The following MAP3K2 variants were observed in gnomAD, a reference collection of about 807,000 sequenced individuals.
MAP3K2 encodes mitogen-activated protein kinase kinase kinase 2.
Under a neutral mutation model 80.3 loss-of-function variants are expected in MAP3K2, and 24 were observed. The ratio of observed to expected loss-of-function variants is 0.30; its 90% CI spans 0.22 to 0.42. The LOEUF is 0.42. MAP3K2 is among the 10% of genes least tolerant of loss of function. The pLI is 1.00. For synonymous variants in MAP3K2, 244 were observed against 253.7 expected (o/e 0.96, Z 0.36); for missense variants, 608 against 750.1 (o/e 0.81, Z 2.21).
At chr2:127,387,990 GGCGCACGTCACGGCCGCTCGCTCGTGCGC>G (rs1324128852), upstream of MAP3K2, 8 of 984,050 alleles carry the variant, frequency 8.1e-6, no homozygotes, top group Non-Finnish European at 9.6e-6. Context: ...GGCGTAGCGC[GGCGCACGTCACGGCCGCTCGCTCGTGCGC>G]GCGCACCCCT....
At chr2:127,308,407 CTATT>C (rs1378916906) in intron 16 of MAP3K2, among the ~76,000 whole-genome samples, 174 bp downstream of exon 16, 1 of 152,204 alleles carries the variant, frequency 6.6e-6, no homozygotes, top group Non-Finnish European at 1.5e-5. Flanking sequence ...AGGATTCTAA[CTATT>C]TAGTCAATTA....
At chr2:127,337,594 C>CGTAAT in intron 4 of MAP3K2, 144 bp downstream of exon 4, 1 of 533,476 alleles carries the variant, frequency 1.9e-6, no homozygotes, top group Non-Finnish European at 3.3e-6. Context: ...AGTCTAAGCA[C>CGTAAT]ATTACACATT....
At position 127,322,269 on chromosome 2, in the gene MAP3K2, G is replaced by T; in HGVS notation, c.839-17C>A. 1 of 1,504,000 alleles carries T rather than the reference G, an allele frequency of 6.6e-7. No individual in the cohort carries two copies. The allele number at this position is 1,504,000 out of a possible 1,614,324, so 93.2% of individuals were successfully genotyped here. On this transcript the variant is annotated splice_polypyrimidine_tract_variant and intron_variant, in intron 11 of 16. Transcript: ENST00000682094. This position sits in a 1 kb window ranked among gnomAD's most constrained non-coding sequence, Gnocchi z 4.2. ...TTTTACGACCTAAAAAATGAAAAGA[G>T]AATGACCTTATACCTTTTATTAATA...
chr2:127,356,114 T>C (rs922560215), intron 1 of MAP3K2, among the ~76,000 whole-genome samples: 1 of 152,132 alleles, frequency 6.6e-6, no homozygotes, highest in South Asian at 2.1e-4. Flanking sequence ...CTTCCTCCTC[T>C]GAAGTCTTGA....
At chr2:127,386,907 A>C (rs1483306040) in intron 1 of MAP3K2, among the ~76,000 whole-genome samples, 1 of 152,152 alleles carries the variant, frequency 6.6e-6, no homozygotes, top group Non-Finnish European at 1.5e-5. Flanking sequence ...ACCTTGGACA[A>C]ATGCCTTAAT....
At chr2:127,381,076 A>G (rs1265330648) in intron 1 of MAP3K2, among the ~76,000 whole-genome samples, 2 of 152,288 alleles carry the variant, frequency 1.3e-5, no homozygotes, top group Middle Eastern at 3.4e-3. Context: ...TATGTTGCCC[A>G]GGATGCCCTC....
chr2:127,387,735 C>T lies in MAP3K2; in HGVS notation c.-349G>A. ...CCTCGGCACTTCTAGCCGCTGCAAC[C>T]CCGAGGCCCGCGGGAACTGGGCAGG... On this transcript the variant is annotated 5_prime_UTR_variant, in exon 1 of 17. Coordinates refer to ENST00000682094, the MANE Select transcript of MAP3K2 (RefSeq NM_001371910.2). 23 of 985,172 alleles carry T rather than the reference C, an allele frequency of 2.3e-5. No homozygotes were observed. The highest frequency in any genetic ancestry group is 2.8e-5 in the Non-Finnish European group (23 of 829,816). The allele number at this position is 985,172 out of a possible 1,614,324, so 61.0% of individuals were successfully genotyped here.
chr2:127,383,874 ATTTTT>A (rs111243354), intron 1 of MAP3K2, among the ~76,000 whole-genome samples: 16 of 141,350 alleles, frequency 1.1e-4, no homozygotes, highest in South Asian at 2.2e-4. Flanking sequence ...GCAACAAATA[ATTTTT>A]TTTTTTTTTT....
chr2:127,387,823 G>A lies in MAP3K2; in HGVS notation c.-437C>T. On this transcript the variant is annotated 5_prime_UTR_variant, in exon 1 of 17. Coordinates refer to ENST00000682094, the MANE Select transcript of MAP3K2 (RefSeq NM_001371910.2). ...GAGAAGAGGCGGGAGTGGCGACTCT[G>A]CGGACAGGGGCGCCGAGCGTCCTGG... 5 of 985,058 alleles carry A rather than the reference G, an allele frequency of 5.1e-6. No homozygotes were observed. Among genetic ancestry groups the A allele is most frequent in the Non-Finnish European group, 6.0e-6 (5 of 829,752 alleles). The allele number at this position is 985,058 out of a possible 1,614,324, so 61.0% of individuals were successfully genotyped here.
In MAP3K2 at chr2:127,341,852, T is replaced by C. The variant is rs1686500284; in HGVS notation, c.4+1274A>G. 2.6e-5 allele frequency among the ~76,000 whole-genome samples: 4 copies of C among 152,030 alleles called. No individual in the cohort carries two copies. The South Asian group carries it at 6.2e-4, about 24-fold the overall frequency. On this transcript the variant is annotated intron_variant, in intron 2 of 16. Coordinates refer to ENST00000682094, the MANE Select transcript of MAP3K2 (RefSeq NM_001371910.2). ...CGGCCCAATGGGTTTCTGACACATGTTGGAAGGACACTGAATTGAGCACAA... is the reference window on the plus strand; with the variant it reads ...CGGCCCAATGGGTTTCTGACACATGCTGGAAGGACACTGAATTGAGCACAA...
intron 15 of MAP3K2, among the ~76,000 whole-genome samples, chr2:127,313,669 T>C (rs1016462033): frequency 1.2e-4 from 18 of 152,350 alleles, no homozygotes; most frequent in African/African-American, 4.1e-4. Context: ...ATGATGGAGA[T>C]GCATTCTGAA....
intron 4 of MAP3K2, 142 bp from the exon 5 acceptor site, chr2:127,336,111 T>A: frequency 1.9e-6 from 1 of 515,830 alleles, no homozygotes; most frequent in Non-Finnish European, 3.5e-6. Context: ...CAACAGCACA[T>A]TTTTTAACAC....
intron 1 of MAP3K2, among the ~76,000 whole-genome samples, chr2:127,353,209 G>A (rs1197739582): frequency 6.6e-6 from 1 of 151,798 alleles, no homozygotes; most frequent in Non-Finnish European, 1.5e-5. Flanking sequence ...AGTCTGGAAA[G>A]TGAGGAGCGT....
intron 1 of MAP3K2, among the ~76,000 whole-genome samples, chr2:127,352,207 T>C (rs1043521283): frequency 1.3e-5 from 2 of 152,036 alleles, no homozygotes; most frequent in African/African-American, 4.8e-5. Flanking sequence ...TATATTCTAC[T>C]ACAGTAAAGG....
In MAP3K2 at chr2:127,318,241, A is replaced by G. The variant is rs1339772749; in HGVS notation, c.1122T>C (p.Tyr374=). The G allele has an allele frequency of 9.9e-6, 16 of 1,612,372 alleles. No individual in the cohort carries two copies. The highest frequency in any genetic ancestry group is 6.7e-5 in the East Asian group (3 of 44,804). Reference sequence around the variant, plus strand: ...CCAATTCTCTTCCTGTATCAACATCATAACAGAGGTAGACCCTTCCAAAGG... The same window carrying G: ...CCAATTCTCTTCCTGTATCAACATCGTAACAGAGGTAGACCCTTCCAAAGG... ...QGAFGRVYLC[Y]DVDTGRELAV... Residue 374 remains tyrosine, a synonymous_variant, in exon 13 of 17, where the codon TAT becomes TAC. Transcript: ENST00000682094.
At chr2:127,376,814 C>T (rs1214928934) in intron 1 of MAP3K2, among the ~76,000 whole-genome samples, 1 of 152,050 alleles carries the variant, frequency 6.6e-6, no homozygotes, top group Non-Finnish European at 1.5e-5. Context: ...ACCTATAATC[C>T]CAGCACTTTG....
chr2:127,347,773 T>C (rs183726073), intron 1 of MAP3K2, among the ~76,000 whole-genome samples: 2 of 152,212 alleles, frequency 1.3e-5, no homozygotes, highest in Admixed American at 1.3e-4. Flanking sequence ...AGGCACTGAA[T>C]AGCCACAACA....
rs1447173248 is a variant in MAP3K2 at position 127,304,425 on chromosome 2, T to G, written c.*3154A>C. On this transcript the variant is annotated 3_prime_UTR_variant, in exon 17 of 17. Transcript: ENST00000682094. ...GGTCCAAGCCTAAGTCATGCCACTT[T>G]GAATCTCTCAAGGCCTTAAGTAGAA... is the stretch of plus-strand genomic sequence containing the variant. 1 of 152,144 alleles carries G rather than the reference T, an allele frequency of 6.6e-6. No individual in the cohort carries two copies. Among genetic ancestry groups the G allele is most frequent in the Non-Finnish European group, 1.5e-5 (1 of 68,006 alleles). 9.4% of individuals were successfully genotyped at this position (152,144 alleles called of 1,614,324 possible).
intron 1 of MAP3K2, among the ~76,000 whole-genome samples, chr2:127,368,240 T>C (rs527315787): frequency 6.6e-6 from 1 of 152,008 alleles, no homozygotes; most frequent in South Asian, 2.1e-4. Context: ...AAGAATCACT[T>C]GAACCCAGAA....
Sources: allele counts gnomAD v4.1 joint callset (sites outside exome capture counted in the v4.1 genomes callset), GRCh38; gene constraint gnomAD v4.1.1; non-coding constraint Gnocchi (gnomAD v3.1); transcripts MANE v1.5; gene names NCBI Gene and HGNC (gene_info 2026-07-23, HGNC 2026-07-21).